The following NRXN3 variants were observed in gnomAD, a reference collection of about 807,000 sequenced individuals.
NRXN3 encodes the protein neurexin III.
NRXN3 carries 32 observed loss-of-function variants against 137.6 expected under a neutral mutation model. That is an observed-to-expected ratio of 0.23 (90% CI 0.18 to 0.31). The LOEUF is 0.31. NRXN3 is among the 10% of genes least tolerant of loss of function. The pLI is 1.00. For missense variants in NRXN3, 1,574 were observed against 2,062.5 expected (o/e 0.76, Z 4.59); for synonymous variants, 798 against 784.5 (o/e 1.02, Z -0.29).
In NRXN3 at chr14:79,197,672, C is replaced by T. The variant is rs144640804; in HGVS notation, c.3262+209531C>T. On this transcript the variant is annotated intron_variant, in intron 15 of 20. Coordinates refer to ENST00000335750, the MANE Select transcript of NRXN3 (RefSeq NM_001330195.2). Reference sequence around the variant, plus strand: ...CTGTCAAAAACCCAAGCCAGGCATCCGCTTGGTTTGGTGACCTTAACCACA... The same window carrying T: ...CTGTCAAAAACCCAAGCCAGGCATCTGCTTGGTTTGGTGACCTTAACCACA... Among the ~76,000 whole-genome samples, 471 of 152,104 alleles carry T rather than the reference C, an allele frequency of 3.1e-3. 1 individual carries two copies. The highest frequency in any genetic ancestry group is 0.011 in the African/African-American group (454 of 41,486).
chr14:78,705,144 G>A (rs191926159), intron 6 of NRXN3, among the ~76,000 whole-genome samples: 33 of 152,272 alleles, frequency 2.2e-4, no homozygotes, highest in South Asian at 2.1e-4. Context: ...ATGGGGAGCC[G>A]TTTCTACTTT....
At chr14:79,172,983 T>A (rs970751281) in intron 15 of NRXN3, among the ~76,000 whole-genome samples, 2 of 152,036 alleles carry the variant, frequency 1.3e-5, no homozygotes, top group African/African-American at 4.8e-5. Context: ...ATGGAAAGTG[T>A]TTTTTTGGCA....
chr14:78,887,034 G>A (rs154312), intron 10 of NRXN3, among the ~76,000 whole-genome samples: 8,221 of 152,170 alleles, frequency 0.054, 728 homozygotes, highest in African/African-American at 0.19. Flanking sequence ...TATATTTAAT[G>A]TGCTCCAATC....
intron 19 of NRXN3, among the ~76,000 whole-genome samples, chr14:79,804,407 C>T (rs2099195194): frequency 6.6e-6 from 1 of 152,092 alleles, no homozygotes; most frequent in South Asian, 2.1e-4. Flanking sequence ...TTCTGCGAGA[C>T]TCAGAATTTA....
At chr14:79,000,149 A>G (rs2099538435) in intron 15 of NRXN3, among the ~76,000 whole-genome samples, 2 of 152,158 alleles carry the variant, frequency 1.3e-5, no homozygotes, top group Admixed American at 1.3e-4. Context: ...TTCAGGCATT[A>G]TTTCCTGGTA....
At chr14:78,573,241 A>G (rs944426031) in intron 4 of NRXN3, among the ~76,000 whole-genome samples, 3 of 152,220 alleles carry the variant, frequency 2.0e-5, no homozygotes, top group African/African-American at 4.8e-5. Flanking sequence ...TCATAGCAGC[A>G]TGAGAACAGA....
At chr14:78,904,781 C>T (rs73323326) in intron 10 of NRXN3, among the ~76,000 whole-genome samples, 1 of 152,022 alleles carries the variant, frequency 6.6e-6, no homozygotes, top group Non-Finnish European at 1.5e-5. Context: ...ATTTCCTCTT[C>T]TCTTTTCCAT....
At chr14:78,997,477 T>G (rs1469499460) in intron 15 of NRXN3, among the ~76,000 whole-genome samples, 1 of 152,206 alleles carries the variant, frequency 6.6e-6, no homozygotes, top group Non-Finnish European at 1.5e-5. Context: ...CACATACAGG[T>G]GCAATTCCAA....
chr14:79,122,367 G>A (rs1196548356), intron 15 of NRXN3, among the ~76,000 whole-genome samples: 2 of 152,290 alleles, frequency 1.3e-5, no homozygotes, highest in African/African-American at 4.8e-5. Context: ...GACTTTGGCT[G>A]ACTTGGAAAG....
At chr14:78,548,940 T>C (rs535472023) in intron 4 of NRXN3, among the ~76,000 whole-genome samples, 2 of 152,274 alleles carry the variant, frequency 1.3e-5, no homozygotes, top group African/African-American at 4.8e-5. Context: ...TGTTCTCTTC[T>C]CCGCATCTGT....
chr14:79,536,122 G>T (rs74756764), intron 16 of NRXN3, among the ~76,000 whole-genome samples: 5,514 of 152,226 alleles, frequency 0.036, 313 homozygotes, highest in African/African-American at 0.12. Context: ...GTTGCCTGAA[G>T]AGTTGAACTT....
At position 78,591,111 on chromosome 14, in the gene NRXN3, G is replaced by T. The variant is rs532973227; in HGVS notation, c.758-54009G>T. 5.7e-4 allele frequency among the ~76,000 whole-genome samples: 87 copies of T among 152,272 alleles called. 1 individual carries two copies. In the Middle Eastern group the frequency reaches 0.024, roughly 42 times the overall value. ...GGTCCTCTGGAGATCTACTTAACAG[G>T]AAGTAGTGAGCTATGTCCCCACAAA... On this transcript the variant is annotated intron_variant, in intron 4 of 20. Transcript: ENST00000335750.
At chr14:78,579,931 G>A (rs548513308) in intron 4 of NRXN3, among the ~76,000 whole-genome samples, 39 of 152,110 alleles carry the variant, frequency 2.6e-4, no homozygotes, top group African/African-American at 3.4e-4. Flanking sequence ...TCCTCTTCTC[G>A]AAAATTACAG....
chr14:78,361,051 G>C (rs1244351975), intron 4 of NRXN3, among the ~76,000 whole-genome samples: 2 of 152,186 alleles, frequency 1.3e-5, no homozygotes, highest in Non-Finnish European at 2.9e-5. Flanking sequence ...ATATTACAGA[G>C]AGCCTGGTAG....
rs544987051 is a variant in NRXN3 at position 79,768,327 on chromosome 14, C to G, written c.4015-36785C>G. ...GCTCCACCTCTGGGGGCAGGGCACA[C>G]ACAAACAAAAAGACAGCAGTAACCT... On this transcript the variant is annotated intron_variant, in intron 19 of 20. Transcript: ENST00000335750. Among the ~76,000 whole-genome samples, 7 of 152,358 alleles carry G rather than the reference C, an allele frequency of 4.6e-5. No individual in the cohort carries two copies. The East Asian group carries it at 7.7e-4, about 17-fold the overall frequency.
chr14:78,680,533 G>A (rs527637715), intron 6 of NRXN3, among the ~76,000 whole-genome samples: 2 of 152,262 alleles, frequency 1.3e-5, no homozygotes, highest in African/African-American at 4.8e-5. Flanking sequence ...GACTGGTTTT[G>A]CCAGTGGAAT....
intron 8 of NRXN3, among the ~76,000 whole-genome samples, chr14:78,745,583 A>G (rs1364082748): frequency 6.6e-6 from 1 of 152,098 alleles, no homozygotes; most frequent in Non-Finnish European, 1.5e-5. Context: ...CATTATATCT[A>G]TATTTTCTAG....
Position 79,305,616 on chromosome 14 carries a change from C to T in NRXN3, c.3263-161605C>T, listed in dbSNP as rs140881709. Reference sequence around the variant, plus strand: ...CAGGACAGAATGAGGGCTAGAACCCCGGGGATTAGTTTTTTTCCTCTGGCC... The same window carrying T: ...CAGGACAGAATGAGGGCTAGAACCCTGGGGATTAGTTTTTTTCCTCTGGCC... On this transcript the variant is annotated intron_variant, in intron 15 of 20. Coordinates refer to ENST00000335750, the MANE Select transcript of NRXN3 (RefSeq NM_001330195.2). 5.8e-3 allele frequency among the ~76,000 whole-genome samples: 878 copies of T among 152,142 alleles called. 8 individuals are homozygous for T. The highest frequency in any genetic ancestry group is 9.8e-3 in the Non-Finnish European group (664 of 67,956).
intron 15 of NRXN3, among the ~76,000 whole-genome samples, chr14:79,424,882 T>C (rs557879151): frequency 1.4e-4 from 21 of 152,318 alleles, no homozygotes; most frequent in Admixed American, 5.9e-4. Flanking sequence ...CTTTCTTTTT[T>C]AATTTTTTTT....
Sources: gnomAD v4.1 joint callset for allele counts (sites outside exome capture counted in the v4.1 genomes callset) on GRCh38, gnomAD v4.1.1 for gene constraint, MANE v1.5 for transcripts, NCBI Gene and HGNC (gene_info 2026-07-23, HGNC 2026-07-21) for gene names.